GNG4: variants seen among roughly 807,000 people sequenced by gnomAD.
The protein encoded by GNG4 is guanine nucleotide-binding protein G(I)/G(S)/G(O) subunit gamma-4.
Under a neutral mutation model 5.8 loss-of-function variants are expected in GNG4, and 4 were observed. The observed-to-expected ratio is 0.69, with a 90% CI of 0.34 to 1.57. The LOEUF (loss-of-function observed/expected upper bound fraction) is 1.57. Ranked by LOEUF, GNG4 falls within the 40% of genes most tolerant of loss-of-function variation. The pLI is 0.06. For synonymous variants in GNG4, 29 were observed against 32.9 expected (o/e 0.88, Z 0.41); for missense variants, 96 against 95.1 (o/e 1.01, Z -0.04).
intron 1 of GNG4, among the ~76,000 whole-genome samples, chr1:235,631,535 T>G (rs975811269): frequency 2.6e-5 from 4 of 151,836 alleles, no homozygotes; most frequent in Non-Finnish European, 5.9e-5. Context: ...TAACACTGTT[T>G]GCATGCCCAG....
chr1:235,587,494 TGG>T (rs1328121971), intron 2 of GNG4, among the ~76,000 whole-genome samples: 9 of 1,740 alleles, frequency 5.2e-3, no homozygotes, highest in Non-Finnish European at 8.9e-3. Context: ...GGATGGGGGG[TGG>T]GGGTGTGTGA....
At chr1:235,598,441 T>A (rs1234227668) in intron 1 of GNG4, among the ~76,000 whole-genome samples, 1 of 151,952 alleles carries the variant, frequency 6.6e-6, no homozygotes, top group East Asian at 1.9e-4. Flanking sequence ...AGACCCCATC[T>A]CTACAAAAAA....
Position 235,609,634 on chromosome 1 carries a change from C to T in GNG4, c.-122-14123G>A, listed in dbSNP as rs959504328. Among the ~76,000 whole-genome samples the T allele has an allele frequency of 1.7e-4, 26 of 152,178 alleles. No individual in the cohort carries two copies. In the South Asian group the frequency reaches 4.4e-3, roughly 25 times the overall value. On this transcript the variant is annotated intron_variant, in intron 1 of 3. Coordinates refer to ENST00000391854, the MANE Select transcript of GNG4 (RefSeq NM_001098722.2). ...ATAGCATAAAGAAAAGTTTCCTGGCCGGGCGCAGTGGCTCACACCTGTAAT... is the reference window on the plus strand; with the variant it reads ...ATAGCATAAAGAAAAGTTTCCTGGCTGGGCGCAGTGGCTCACACCTGTAAT...
chr1:235,588,205 G>A (rs1473028646), intron 2 of GNG4, among the ~76,000 whole-genome samples: 2 of 152,058 alleles, frequency 1.3e-5, no homozygotes, highest in Admixed American at 6.5e-5. Context: ...TCCCACCAGC[G>A]CACTGTGCTT....
Position 235,551,941 on chromosome 1 carries a change from T to A in GNG4, c.*168A>T, listed in dbSNP as rs1199647137. The A allele has an allele frequency of 3.9e-6, 2 of 519,384 alleles. No homozygotes were observed. The highest frequency in any genetic ancestry group is 5.8e-5 in the Admixed American group (2 of 34,542). The allele number at this position is 519,384 out of a possible 1,614,324, so 32.2% of individuals were successfully genotyped here. On this transcript the variant is annotated 3_prime_UTR_variant, in exon 4 of 4. Coordinates refer to ENST00000391854, the MANE Select transcript of GNG4 (RefSeq NM_001098722.2). ...AACATGAAAATGAAAAGGAAAAAAA[T>A]GAAATTGAATGCCACGAAGAAAACA...
At chr1:235,622,556 A>T (rs1159558993) in intron 1 of GNG4, among the ~76,000 whole-genome samples, 1 of 152,074 alleles carries the variant, frequency 6.6e-6, no homozygotes, top group Non-Finnish European at 1.5e-5. Flanking sequence ...TCTACTAAAA[A>T]TACAAAAATT....
intron 3 of GNG4, among the ~76,000 whole-genome samples, chr1:235,573,244 G>A (rs151315027): frequency 1.6e-3 from 240 of 149,316 alleles, no homozygotes; most frequent in East Asian, 4.4e-3. Context: ...ACCAAACGCC[G>A]CATGTTCTCA....
chr1:235,598,305 G>A (rs1688173487), intron 1 of GNG4, among the ~76,000 whole-genome samples: 1 of 152,148 alleles, frequency 6.6e-6, no homozygotes, highest in Non-Finnish European at 1.5e-5. Flanking sequence ...ACCACTAGGG[G>A]GACTTTTAAG....
At chr1:235,587,782 G>A (rs1237515616) in intron 2 of GNG4, among the ~76,000 whole-genome samples, 1 of 83,854 alleles carries the variant, frequency 1.2e-5, no homozygotes, top group African/African-American at 4.2e-5. Context: ...GGGTGGGGGT[G>A]TGTGTGTGTG....
At chr1:235,568,861 C>T (rs1687268737) in intron 3 of GNG4, among the ~76,000 whole-genome samples, 1 of 148,648 alleles carries the variant, frequency 6.7e-6, no homozygotes, top group Admixed American at 6.8e-5. Context: ...GAGTCTTGCT[C>T]TGTTGTCCAG....
At chr1:235,619,124 C>T (rs1269142408) in intron 1 of GNG4, among the ~76,000 whole-genome samples, 7 of 104,634 alleles carry the variant, frequency 6.7e-5, no homozygotes, top group Admixed American at 6.2e-4. Context: ...ACATTGCAAA[C>T]GCTGTCTCTA....
intron 1 of GNG4, among the ~76,000 whole-genome samples, chr1:235,596,463 A>C (rs1363606756): frequency 6.6e-6 from 1 of 151,900 alleles, no homozygotes; most frequent in Admixed American, 6.6e-5. Flanking sequence ...TTTGAACCCG[A>C]CAGGCAGAGG....
chr1:235,592,677 T>C (rs1391426753), intron 2 of GNG4, among the ~76,000 whole-genome samples: 1 of 152,232 alleles, frequency 6.6e-6, no homozygotes, highest in Admixed American at 6.5e-5. Flanking sequence ...AACCCCTGGC[T>C]TGAAGATAGC....
At chr1:235,552,299 A>G in intron 3 of GNG4, 62 bp from the exon 4 acceptor site, 1 of 1,531,466 alleles carries the variant, frequency 6.5e-7, no homozygotes, top group Non-Finnish European at 9.0e-7. Flanking sequence ...AGTCCAGGGA[A>G]GAGGTGTCCA....
rs781192679 is a variant in GNG4 at position 235,575,339 on chromosome 1, A to C, written c.99+8401T>G. On this transcript the variant is annotated intron_variant, in intron 3 of 3. Transcript: ENST00000391854. Reference sequence around the variant, plus strand: ...GTCGTAAGTTGAACTTTCAATTTATAATAGGTTTATTGAGAGGTAGCCCCA... The same window carrying C: ...GTCGTAAGTTGAACTTTCAATTTATCATAGGTTTATTGAGAGGTAGCCCCA... 2.6e-5 allele frequency among the ~76,000 whole-genome samples: 4 copies of C among 152,216 alleles called. 1 individual carries two copies. The highest frequency in any genetic ancestry group is 4.1e-4 in the South Asian group (2 of 4,834).
intron 3 of GNG4, among the ~76,000 whole-genome samples, chr1:235,555,958 C>A (rs1359504508): frequency 6.6e-6 from 1 of 151,936 alleles, no homozygotes; most frequent in African/African-American, 2.4e-5. Flanking sequence ...ACCTCTGCCT[C>A]CTGGTTTCAA....
At position 235,587,170 on chromosome 1, in the gene GNG4, AGAGT is replaced by A. The variant is rs372721092; in HGVS notation, c.-10-3326_-10-3323del. ...AGTGTGGGGTGGGGGTGAGCGTGTG[AGAGT>A]GTGTGGGGGTGAGTGTGTGTGACAG... On this transcript the variant is annotated intron_variant, in intron 2 of 3. Coordinates refer to ENST00000391854, the MANE Select transcript of GNG4 (RefSeq NM_001098722.2). 7.3e-3 allele frequency among the ~76,000 whole-genome samples: 945 copies of A among 130,254 alleles called. 11 individuals are homozygous for A. The highest frequency in any genetic ancestry group is 0.027 in the African/African-American group (888 of 33,228). The allele number at this position is 130,254 out of a possible 152,430, so 85.5% of individuals were successfully genotyped here. A position where few individuals can be genotyped will look rare whatever the true frequency, so the allele number is the denominator to read the frequency against.
intron 1 of GNG4, among the ~76,000 whole-genome samples, chr1:235,629,722 G>T (rs1474693615): frequency 6.6e-6 from 1 of 151,714 alleles, no homozygotes; most frequent in Non-Finnish European, 1.5e-5. Flanking sequence ...TCAGCGTCCC[G>T]AGTAGCTGGG....
chr1:235,618,411 C>A (rs557926405), intron 1 of GNG4, among the ~76,000 whole-genome samples: 16 of 152,340 alleles, frequency 1.1e-4, no homozygotes, highest in Non-Finnish European at 2.2e-4. Context: ...CTCAGGCACG[C>A]TGGATCCCTT....
Sources: allele counts gnomAD v4.1 joint callset (sites outside exome capture counted in the v4.1 genomes callset), GRCh38; gene constraint gnomAD v4.1.1; transcripts MANE v1.5; gene names NCBI Gene and HGNC (gene_info 2026-07-23, HGNC 2026-07-21).